Variants in DTNA observed in about 807,000 individuals in gnomAD.
DTNA encodes dystrophin-related protein 3.
DTNA carries 43 observed loss-of-function variants against 100.7 expected under a neutral mutation model. The observed-to-expected ratio is 0.43, with a 90% CI of 0.33 to 0.55. DTNA has a LOEUF of 0.55. Among genes scored for constraint, DTNA ranks in the 20% least tolerant of loss-of-function variants. DTNA has a pLI of 0.04. For missense variants in DTNA, 798 were observed against 953.9 expected (o/e 0.84, Z 2.15); for synonymous variants, 349 against 347.9 (o/e 1.00, Z -0.04).
At chr18:34,673,895 C>T (rs2077078949) in intron 1 of DTNA, among the ~76,000 whole-genome samples, 1 of 152,184 alleles carries the variant, frequency 6.6e-6, no homozygotes, top group African/African-American at 2.4e-5. Context: ...TCTCAAATAT[C>T]TTCTTGCTGT....
At chr18:34,768,189 GT>G (rs1417849117) in intron 3 of DTNA, among the ~76,000 whole-genome samples, 2 of 152,186 alleles carry the variant, frequency 1.3e-5, no homozygotes, top group Admixed American at 6.5e-5. Context: ...AAGGCAGAGG[GT>G]AAGTGGTAGA....
At chr18:34,755,862 A>T in intron 1 of DTNA, 114 bp from the exon 2 acceptor site, 1 of 906,712 alleles carries the variant, frequency 1.1e-6, no homozygotes, top group Non-Finnish European at 1.8e-6. Context: ...AAACAGTTTT[A>T]AATAGGTTTT....
At chr18:34,528,150 T>C (rs753133092) in intron 1 of DTNA, among the ~76,000 whole-genome samples, 18 of 152,144 alleles carry the variant, frequency 1.2e-4, no homozygotes, top group Non-Finnish European at 2.4e-4. Context: ...GGCATGCCGT[T>C]GAAACCTGGA....
At chr18:34,816,354 G>A (rs1035177610) in intron 7 of DTNA, among the ~76,000 whole-genome samples, 5 of 152,102 alleles carry the variant, frequency 3.3e-5, no homozygotes, top group East Asian at 1.9e-4. Flanking sequence ...TTGCATACAC[G>A]GTACTGATTA....
At chr18:34,761,552 A>T (rs2093171834) in intron 2 of DTNA, among the ~76,000 whole-genome samples, 1 of 152,100 alleles carries the variant, frequency 6.6e-6, no homozygotes, top group South Asian at 2.1e-4. Flanking sequence ...AAGAAAGAGA[A>T]TCTTTTCAAA....
At chr18:34,866,079 A>T in intron 17 of DTNA, 1 of 1,612,724 alleles carries the variant, frequency 6.2e-7, no homozygotes, top group Non-Finnish European at 8.5e-7. Context: ...ACCCTGGGTA[A>T]TCTAACTGTT....
chr18:34,578,998 A>G (rs2048372987), intron 1 of DTNA, among the ~76,000 whole-genome samples: 1 of 152,116 alleles, frequency 6.6e-6, no homozygotes, highest in African/African-American at 2.4e-5. Context: ...TGAGCTAATT[A>G]AAAATTTTAT....
At chr18:34,877,594 C>G (rs551071098) in intron 18 of DTNA, 125 bp from the exon 19 acceptor site, 6 of 772,712 alleles carry the variant, frequency 7.8e-6, no homozygotes, top group Non-Finnish European at 1.3e-5. Flanking sequence ...TAAAGCACTT[C>G]TGAAAAGGAG....
intron 1 of DTNA, among the ~76,000 whole-genome samples, chr18:34,506,011 G>C (rs993691670): frequency 6.6e-6 from 1 of 152,156 alleles, no homozygotes; most frequent in African/African-American, 2.4e-5. Context: ...AGTGCCAGGT[G>C]GGGGGTAGAA....
intron 1 of DTNA, among the ~76,000 whole-genome samples, chr18:34,596,901 G>A (rs1050119308): frequency 2.6e-5 from 4 of 151,894 alleles, no homozygotes; most frequent in Non-Finnish European, 5.9e-5. Context: ...TGTGCAGAAC[G>A]TGCAGGTTTG....
chr18:34,592,724 C>T (rs567938950), intron 1 of DTNA, among the ~76,000 whole-genome samples: 12 of 152,162 alleles, frequency 7.9e-5, no homozygotes, highest in African/African-American at 2.2e-4. Flanking sequence ...CCTCTTCTAA[C>T]GGATCCCAAC....
intron 17 of DTNA, among the ~76,000 whole-genome samples, chr18:34,875,012 A>G (rs1490691923): frequency 1.3e-5 from 2 of 152,204 alleles, no homozygotes; most frequent in Non-Finnish European, 2.9e-5. Context: ...ATGCTGTACT[A>G]ATAGTTTTAG....
chr18:34,594,002 G>A (rs1451108689), intron 1 of DTNA, among the ~76,000 whole-genome samples: 1 of 152,140 alleles, frequency 6.6e-6, no homozygotes, highest in Non-Finnish European at 1.5e-5. Context: ...GGCTTAAACT[G>A]CGTAAGGAGC....
chr18:34,616,882 G>T (rs1186710541), intron 1 of DTNA, among the ~76,000 whole-genome samples: 2 of 151,924 alleles, frequency 1.3e-5, no homozygotes, highest in Non-Finnish European at 1.5e-5. Flanking sequence ...ATCTTTTGGG[G>T]GCTATTGTGA....
intron 1 of DTNA, among the ~76,000 whole-genome samples, chr18:34,739,319 C>T (rs1356517144): frequency 6.6e-6 from 1 of 152,282 alleles, no homozygotes; most frequent in East Asian, 1.9e-4. Context: ...AAATAGTCTT[C>T]CCCTCACAGA....
At chr18:34,828,349 A>T (rs1300545128) in intron 10 of DTNA, among the ~76,000 whole-genome samples, 1 of 152,208 alleles carries the variant, frequency 6.6e-6, no homozygotes, top group African/African-American at 2.4e-5. Context: ...CAAATCAAGC[A>T]CCAGATAATT....
chr18:34,531,882 A>G (rs1241507468), intron 1 of DTNA, among the ~76,000 whole-genome samples: 2 of 152,148 alleles, frequency 1.3e-5, no homozygotes, highest in Admixed American at 1.3e-4. Flanking sequence ...GTTCTGTTAA[A>G]AAGTCCTCCC....
intron 1 of DTNA, among the ~76,000 whole-genome samples, chr18:34,696,330 G>A (rs2080528927): frequency 6.6e-6 from 1 of 152,166 alleles, no homozygotes; most frequent in Non-Finnish European, 1.5e-5. Flanking sequence ...TGTAATCCCA[G>A]CACTTTGAGA....
At chr18:34,571,375 C>T (rs577964260) in intron 1 of DTNA, among the ~76,000 whole-genome samples, 8 of 152,272 alleles carry the variant, frequency 5.3e-5, no homozygotes, top group Admixed American at 2.0e-4. Context: ...ATACTGTGTG[C>T]TTACAGGTGT....
Sources: allele counts gnomAD v4.1 joint callset (sites outside exome capture counted in the v4.1 genomes callset), GRCh38; gene constraint gnomAD v4.1.1; transcripts MANE v1.5; gene names NCBI Gene and HGNC (gene_info 2026-07-23, HGNC 2026-07-21).